The following BMP1 variants were observed in gnomAD, a reference collection of about 807,000 sequenced individuals.
The protein encoded by BMP1 is bone morphogenetic protein 1.
A neutral mutation model predicts 116.8 loss-of-function variants in BMP1; 63 were observed. That is an observed-to-expected ratio of 0.54 (90% CI 0.44 to 0.67). The LOEUF is 0.67. Ranked by LOEUF, BMP1 falls within the 30% of genes least tolerant of loss-of-function variation. BMP1 has a pLI of 0.00. For missense variants in BMP1, 1,183 were observed against 1,358.9 expected (o/e 0.87, Z 2.04); for synonymous variants, 536 against 533.4 (o/e 1.00, Z -0.07).
At chr8:22,165,641 T>C (rs1828072647) in intron 1 of BMP1, 88 bp downstream of exon 1, 1 of 1,316,826 alleles carries the variant, frequency 7.6e-7, no homozygotes, top group East Asian at 3.4e-5. Flanking sequence ...CAGTCCAGTG[T>C]GGGAAGCCGG....
chr8:22,210,088 C>A (rs761176113), intron 19 of BMP1, among the ~76,000 whole-genome samples: 1 of 152,276 alleles, frequency 6.6e-6, no homozygotes, highest in African/African-American at 2.4e-5. Flanking sequence ...GGACAGGGCG[C>A]CTGAGCGGAG....
chr8:22,190,409 T>C (rs1330494831), intron 8 of BMP1, among the ~76,000 whole-genome samples: 1 of 152,150 alleles, frequency 6.6e-6, no homozygotes, highest in South Asian at 2.1e-4. Context: ...TGACCGGCAG[T>C]GGCATTGCCC....
intron 16 of BMP1, among the ~76,000 whole-genome samples, chr8:22,204,728 AC>A (rs1829321724): frequency 1.6e-5 from 1 of 62,452 alleles, no homozygotes; most frequent in Admixed American, 1.6e-4. Flanking sequence ...GTCCCCCCCC[AC>A]CCCGCCCGCC....
intron 1 of BMP1, among the ~76,000 whole-genome samples, chr8:22,168,593 C>T (rs767777261): frequency 4.6e-5 from 7 of 152,176 alleles, no homozygotes; most frequent in Non-Finnish European, 1.0e-4. Flanking sequence ...GCAGCACTTA[C>T]CAGCCCACAT....
intron 8 of BMP1, 134 bp downstream of exon 8, chr8:22,180,617 G>T (rs55729437): frequency 1.1e-5 from 8 of 739,028 alleles, no homozygotes; most frequent in Non-Finnish European, 1.6e-5. Flanking sequence ...AGTCCAGAGC[G>T]CTGATGGAGC....
intron 9 of BMP1, among the ~76,000 whole-genome samples, chr8:22,192,694 G>C (rs1313543347): frequency 6.6e-6 from 1 of 152,192 alleles, no homozygotes; most frequent in Non-Finnish European, 1.5e-5. Flanking sequence ...AGGAGGGTAG[G>C]GGGCAGGAGG....
At chr8:22,173,782 TC>T in intron 2 of BMP1, 67 bp downstream of exon 2, 2 of 1,329,238 alleles carry the variant, frequency 1.5e-6, no homozygotes, top group Non-Finnish European at 2.1e-6. Context: ...AAACAAGGAA[TC>T]TCCCTGTTCC....
At chr8:22,182,681 T>G (rs1277947893) in intron 8 of BMP1, among the ~76,000 whole-genome samples, 3 of 152,216 alleles carry the variant, frequency 2.0e-5, no homozygotes, top group African/African-American at 7.2e-5. Flanking sequence ...AAGTGTTTCT[T>G]TTCTAAATGG....
Position 22,211,704 on chromosome 8 carries a change from G to A in BMP1, c.2937G>A (p.Gln979=). 1.2e-6 allele frequency: 2 copies of A among 1,614,138 alleles called. No homozygotes were observed. The highest frequency in any genetic ancestry group is 1.7e-6 in the Non-Finnish European group (2 of 1,180,020). Residue 979 remains glutamine, a synonymous_variant, in exon 20 of 20, where the codon CAG becomes CAA. Coordinates refer to ENST00000306385, the MANE Select transcript of BMP1 (RefSeq NM_006129.5). ...FHLRYTSTKF[Q]DTLHSRK is the part of the protein sequence containing the mutation. ...TGCGATACACCAGCACCAAGTTCCA[G>A]GACACACTCCACAGCAGGAAGTGAC...
At chr8:22,198,366 G>A (rs899336907) in intron 15 of BMP1, 3 of 152,294 alleles carry the variant, frequency 2.0e-5, no homozygotes, top group Non-Finnish European at 4.4e-5. Context: ...GGTCTCAATG[G>A]TGATCAGCAG....
At chr8:22,195,691 G>A in intron 13 of BMP1, 104 bp downstream of exon 13, 2 of 1,491,532 alleles carry the variant, frequency 1.3e-6, no homozygotes, top group Non-Finnish European at 1.8e-6. Flanking sequence ...TGTCACCCAG[G>A]CTGGAAGTAC....
intron 19 of BMP1, among the ~76,000 whole-genome samples, chr8:22,210,364 C>CTTTTTTTTTTTTT (rs1829439680): frequency 7.7e-6 from 1 of 130,452 alleles, no homozygotes. Flanking sequence ...GCTGCCTCTT[C>CTTTTTTTTTTTTT]TTCTTTTTTT....
At position 22,206,907 on chromosome 8, in the gene BMP1, T is replaced by A; in HGVS notation, c.2287T>A (p.Trp763Arg). The A allele has an allele frequency of 6.2e-7, 1 of 1,614,176 alleles. No homozygotes were observed. Among genetic ancestry groups the A allele is most frequent in the Non-Finnish European group, 8.5e-7 (1 of 1,180,016 alleles). ...STSGTITSPN[W>R]PDKYPSKKEC... ...CAGTGGTACCATCACCAGCCCCAAC[T>A]GGCCTGACAAGTATCCCAGCAAGAA... The change falls in exon 17 of 20, where the codon TGG becomes AGG. Residue 763 changes from tryptophan to arginine, a missense_variant. Physicochemically the swap from Trp to Arg is moderately radical, Grantham distance 101. Coordinates refer to ENST00000306385, the MANE Select transcript of BMP1 (RefSeq NM_006129.5).
At chr8:22,206,821 CTCTA>C (rs1586474017) in intron 16 of BMP1, 29 bp from the exon 17 acceptor site, 1 of 1,613,876 alleles carries the variant, frequency 6.2e-7, no homozygotes, top group Non-Finnish European at 8.5e-7. Context: ...TGGGGTCCCT[CTCTA>C]TCCCCTTCCG....
intron 13 of BMP1, chr8:22,196,470 TC>T: frequency 1.6e-6 from 1 of 637,902 alleles, no homozygotes; most frequent in Non-Finnish European, 2.8e-6. Context: ...ACCCCTTAGC[TC>T]CCCCACTCCT....
intron 8 of BMP1, among the ~76,000 whole-genome samples, chr8:22,189,295 AC>A (rs1472425834): frequency 6.6e-6 from 1 of 151,868 alleles, no homozygotes; most frequent in Non-Finnish European, 1.5e-5. Flanking sequence ...TTTGCAACAT[AC>A]CTTGCACTCA....
chr8:22,204,839 G>A (rs933447197), intron 16 of BMP1, among the ~76,000 whole-genome samples: 16 of 152,020 alleles, frequency 1.1e-4, no homozygotes, highest in Non-Finnish European at 1.9e-4. Context: ...TGGCCATAGC[G>A]AGTGTTCTCG....
chr8:22,175,317 A>G (rs1452163367), intron 2 of BMP1, among the ~76,000 whole-genome samples: 1 of 152,244 alleles, frequency 6.6e-6, no homozygotes, highest in Non-Finnish European at 1.5e-5. Context: ...TGAATGCTCC[A>G]CAAATGTCAA....
chr8:22,185,125 G>A (rs1338219208), intron 8 of BMP1, among the ~76,000 whole-genome samples: 2 of 152,234 alleles, frequency 1.3e-5, no homozygotes, highest in South Asian at 2.1e-4. Flanking sequence ...CCCCAGCAAC[G>A]GAGGAGAACC....
Sources: gnomAD v4.1 joint callset for allele counts (sites outside exome capture counted in the v4.1 genomes callset) on GRCh38, gnomAD v4.1.1 for gene constraint, MANE v1.5 for transcripts, NCBI Gene and HGNC (gene_info 2026-07-23, HGNC 2026-07-21) for gene names.